Variants in GALNTL6 observed in about 807,000 individuals in gnomAD.
GALNTL6 encodes polypeptide N-acetylgalactosaminyltransferase-like 6.
A neutral mutation model predicts 73.7 loss-of-function variants in GALNTL6; 46 were observed. The ratio of observed to expected loss-of-function variants is 0.62; its 90% CI spans 0.49 to 0.80. The LOEUF (loss-of-function observed/expected upper bound fraction) is 0.80. GALNTL6 is among the 30% of genes least tolerant of loss of function. The pLI is 0.00. For synonymous variants in GALNTL6, 259 were observed against 263.7 expected (o/e 0.98, Z 0.17); for missense variants, 604 against 755.0 (o/e 0.80, Z 2.34).
At chr4:173,008,432 A>C (rs567426798) in intron 10 of GALNTL6, among the ~76,000 whole-genome samples, 23 of 152,240 alleles carry the variant, frequency 1.5e-4, no homozygotes, top group South Asian at 1.4e-3. Flanking sequence ...TGGCTGTTTA[A>C]CCATCCCATG....
At chr4:172,968,056 T>C (rs1022432831) in intron 10 of GALNTL6, among the ~76,000 whole-genome samples, 6 of 152,026 alleles carry the variant, frequency 3.9e-5, no homozygotes, top group Non-Finnish European at 5.9e-5. Context: ...AGACAGAACA[T>C]TGAGGATAGC....
At chr4:172,322,319 A>T (rs1035340601) in intron 4 of GALNTL6, among the ~76,000 whole-genome samples, 3 of 152,012 alleles carry the variant, frequency 2.0e-5, no homozygotes, top group South Asian at 4.2e-4. Context: ...TTCACTCTAC[A>T]CTCTACCTTA....
chr4:172,250,754 T>G (rs1224161968), intron 3 of GALNTL6, among the ~76,000 whole-genome samples: 1 of 152,176 alleles, frequency 6.6e-6, no homozygotes, highest in African/African-American at 2.4e-5. Context: ...GTCTCAGGTA[T>G]TTCCTCATAG....
At chr4:171,877,639 A>G (rs1374776065) in intron 2 of GALNTL6, among the ~76,000 whole-genome samples, 9 of 152,186 alleles carry the variant, frequency 5.9e-5, no homozygotes, top group Non-Finnish European at 1.3e-4. Flanking sequence ...GTGAAAAAAA[A>G]AAAAATCAGG....
At chr4:172,804,851 G>A (rs1740862026) in intron 5 of GALNTL6, among the ~76,000 whole-genome samples, 1 of 152,172 alleles carries the variant, frequency 6.6e-6, no homozygotes, top group Admixed American at 6.5e-5. Context: ...GGATCCCATA[G>A]TGACCAGAGA....
chr4:171,903,665 C>T (rs986610365), intron 2 of GALNTL6, among the ~76,000 whole-genome samples: 1 of 148,714 alleles, frequency 6.7e-6, no homozygotes, highest in Admixed American at 6.6e-5. Flanking sequence ...GCCTGCCTGC[C>T]TCTGGAGGCT....
chr4:172,806,153 G>A (rs114271904), intron 5 of GALNTL6, among the ~76,000 whole-genome samples: 1 of 152,206 alleles, frequency 6.6e-6, no homozygotes, highest in African/African-American at 2.4e-5. Flanking sequence ...GTAATTGGAT[G>A]TTACAATGAA....
intron 5 of GALNTL6, among the ~76,000 whole-genome samples, chr4:172,534,576 A>AT (rs1735278593): frequency 7.4e-6 from 1 of 135,592 alleles, no homozygotes; most frequent in African/African-American, 2.8e-5. Flanking sequence ...CTAAATGAGA[A>AT]ATTTTTTTTT....
intron 2 of GALNTL6, among the ~76,000 whole-genome samples, chr4:172,181,762 G>A (rs1373994729): frequency 2.0e-5 from 3 of 148,336 alleles, no homozygotes; most frequent in Non-Finnish European, 4.4e-5. Context: ...TGTAACCAAG[G>A]CTGGAGTGCA....
At chr4:172,669,611 G>T (rs565810742) in intron 5 of GALNTL6, among the ~76,000 whole-genome samples, 1 of 152,214 alleles carries the variant, frequency 6.6e-6, no homozygotes, top group South Asian at 2.1e-4. Flanking sequence ...TTTTGTAAGT[G>T]TTCTTTTAAT....
At chr4:172,655,259 G>C (rs1224501236) in intron 5 of GALNTL6, among the ~76,000 whole-genome samples, 1 of 152,222 alleles carries the variant, frequency 6.6e-6, no homozygotes, top group South Asian at 2.1e-4. Flanking sequence ...GATGGTTGTT[G>C]TTGTGTGTGT....
At chr4:172,010,117 A>G (rs1740960099) in intron 2 of GALNTL6, among the ~76,000 whole-genome samples, 1 of 152,126 alleles carries the variant, frequency 6.6e-6, no homozygotes, top group Non-Finnish European at 1.5e-5. Context: ...AGTTTACTAA[A>G]TGGCAATTTT....
rs17058928 is a variant in GALNTL6 at position 172,810,247 on chromosome 4, G to A, written c.739+701G>A. On this transcript the variant is annotated intron_variant, in intron 6 of 12. Coordinates refer to ENST00000506823, the MANE Select transcript of GALNTL6 (RefSeq NM_001034845.3). ...AACACACTTGAACTGTTAGAAACAC[G>A]AAAGAACTGAAAGTAATTTAAGCTA... is the stretch of plus-strand genomic sequence containing the variant. Among the ~76,000 whole-genome samples, 599 of 152,186 alleles carry A rather than the reference G, an allele frequency of 3.9e-3. 3 individuals are homozygous for A. Among genetic ancestry groups the A allele is most frequent in the Middle Eastern group, 0.01 (3 of 294 alleles).
chr4:172,901,502 G>C (rs1746628049), intron 8 of GALNTL6, among the ~76,000 whole-genome samples: 2 of 152,106 alleles, frequency 1.3e-5, no homozygotes, highest in African/African-American at 4.8e-5. Context: ...CTGGATAACT[G>C]AGAGTTTACT....
At position 172,925,154 on chromosome 4, in the gene GALNTL6, G is replaced by C. The variant is rs1226614443; in HGVS notation, c.1042-6007G>C. Among the ~76,000 whole-genome samples, 65 of 149,916 alleles carry C rather than the reference G, an allele frequency of 4.3e-4. 1 individual carries two copies. Among genetic ancestry groups the C allele is most frequent in the Non-Finnish European group, 3.0e-5 (2 of 67,786 alleles). ...CCCAAAGTGCTGGGATTACAGGCAT[G>C]AGCCACCGCACCAGGCTTATGTTTT... On this transcript the variant is annotated intron_variant, in intron 8 of 12. Coordinates refer to ENST00000506823, the MANE Select transcript of GALNTL6 (RefSeq NM_001034845.3).
At chr4:171,916,038 A>G (rs998024066) in intron 2 of GALNTL6, among the ~76,000 whole-genome samples, 1 of 152,160 alleles carries the variant, frequency 6.6e-6, no homozygotes, top group Non-Finnish European at 1.5e-5. Flanking sequence ...AGACAAAGAA[A>G]CATACATGAA....
intron 12 of GALNTL6, among the ~76,000 whole-genome samples, chr4:173,038,580 C>A (rs1367150372): frequency 2.0e-5 from 3 of 152,200 alleles, no homozygotes; most frequent in Non-Finnish European, 2.9e-5. Context: ...ACAATAAACT[C>A]AGGAAACTCA....
At chr4:172,519,601 A>G (rs1441496974) in intron 5 of GALNTL6, among the ~76,000 whole-genome samples, 3 of 151,226 alleles carry the variant, frequency 2.0e-5, no homozygotes, top group African/African-American at 4.9e-5. Context: ...TGACAAAGAC[A>G]CTTTGTATCT....
intron 2 of GALNTL6, among the ~76,000 whole-genome samples, chr4:172,204,233 A>G (rs1736039237): frequency 6.6e-6 from 1 of 152,220 alleles, no homozygotes; most frequent in Non-Finnish European, 1.5e-5. Flanking sequence ...GAGAATACCA[A>G]AATACATTTA....
Sources: gnomAD v4.1 joint callset for allele counts (sites outside exome capture counted in the v4.1 genomes callset) on GRCh38, gnomAD v4.1.1 for gene constraint, MANE v1.5 for transcripts, NCBI Gene and HGNC (gene_info 2026-07-23, HGNC 2026-07-21) for gene names.